Variants in MAF observed in about 807,000 individuals in gnomAD.
The protein encoded by MAF is transcription factor Maf.
In MAF, 10 loss-of-function variants were observed where a neutral mutation model predicts 22.0. The observed-to-expected ratio is 0.45, with a 90% CI of 0.28 to 0.77. MAF has a LOEUF of 0.77. MAF is among the 30% of genes least tolerant of loss of function. The pLI is 0.12. For missense variants in MAF, 544 were observed against 548.4 expected, an observed-to-expected ratio of 0.99 and a Z score of 0.08; for synonymous variants, 337 against 255.8, an observed-to-expected ratio of 1.32 and a Z score of -3.03.
At chr16:79,509,771 G>A in the MAF span, among the ~76,000 whole-genome samples, 3 of 152,186 alleles carry the variant, frequency 2.0e-5, no homozygotes, top group African/African-American at 7.2e-5. Context: ...TCACTCCACT[G>A]TTATCCACAA....
the MAF span, among the ~76,000 whole-genome samples, chr16:79,490,117 C>G: frequency 2.1e-3 from 319 of 152,260 alleles, 1 homozygote; most frequent in Middle Eastern, 3.4e-3. Flanking sequence ...TATTTCAAAT[C>G]AAAAGCAGAT....
chr16:79,228,088 A>G, the MAF span, among the ~76,000 whole-genome samples: 25 of 152,138 alleles, frequency 1.6e-4, no homozygotes, highest in East Asian at 4.8e-3. Context: ...GTTTTTGTAG[A>G]GATAAGGTCT....
chr16:79,475,362 A>ATGTGTGTGTG, the MAF span, among the ~76,000 whole-genome samples: 834 of 148,608 alleles, frequency 5.6e-3, 6 homozygotes, highest in South Asian at 0.038. Flanking sequence ...ATGTATATAT[A>ATGTGTGTGTG]TGTGTGTGTG....
chr16:79,399,279 T>C, the MAF span, among the ~76,000 whole-genome samples: 4 of 152,260 alleles, frequency 2.6e-5, no homozygotes, highest in African/African-American at 9.6e-5. Context: ...GGTGAAAAAA[T>C]TCTTTGTAAA....
chr16:79,471,764 A>G, the MAF span, among the ~76,000 whole-genome samples: 3 of 152,226 alleles, frequency 2.0e-5, no homozygotes, highest in Admixed American at 1.3e-4. Flanking sequence ...ACAGCTGATA[A>G]GTGGTCATGT....
the MAF span, among the ~76,000 whole-genome samples, chr16:79,396,174 C>T: frequency 6.6e-6 from 1 of 152,288 alleles, no homozygotes; most frequent in Admixed American, 6.5e-5. Flanking sequence ...GGACAGGCCT[C>T]CTCCTGAGAC....
At chr16:79,240,344 A>G in the MAF span, among the ~76,000 whole-genome samples, 7 of 151,298 alleles carry the variant, frequency 4.6e-5, no homozygotes, top group African/African-American at 1.7e-4. Context: ...GCCTGGTGAC[A>G]TTTTAACTAA....
At chr16:79,362,996 A>G in the MAF span, among the ~76,000 whole-genome samples, 1 of 152,186 alleles carries the variant, frequency 6.6e-6, no homozygotes, top group Non-Finnish European at 1.5e-5. Context: ...ATAAGGGACT[A>G]TATTTCAACT....
chr16:79,401,671 AGTG>A, the MAF span, among the ~76,000 whole-genome samples: 5 of 152,022 alleles, frequency 3.3e-5, no homozygotes, highest in Non-Finnish European at 7.4e-5. Context: ...AAATAATAAT[AGTG>A]ATAATAATAA....
At chr16:79,346,201 C>G in the MAF span, among the ~76,000 whole-genome samples, 2 of 147,194 alleles carry the variant, frequency 1.4e-5, no homozygotes, top group Non-Finnish European at 3.0e-5. Context: ...ACTACAGTCC[C>G]CGGTGTGTGA....
the MAF span, among the ~76,000 whole-genome samples, chr16:79,401,313 A>G: frequency 0.1 from 15,323 of 152,216 alleles, 933 homozygotes; most frequent in South Asian, 0.25. Context: ...CACTTACTGG[A>G]TACCAGACAC....
At chr16:79,407,670 T>C in the MAF span, among the ~76,000 whole-genome samples, 1 of 152,138 alleles carries the variant, frequency 6.6e-6, no homozygotes, top group Non-Finnish European at 1.5e-5. Context: ...CTCATTTTTT[T>C]CTTCATGTCA....
the MAF span, among the ~76,000 whole-genome samples, chr16:79,523,152 T>C: frequency 6.6e-6 from 1 of 152,232 alleles, no homozygotes; most frequent in African/African-American, 2.4e-5. Context: ...ATAGCAGATA[T>C]TGTTATGATA....
Position 79,594,204 on chromosome 16 carries a change from G to T in MAF, c.*256C>A. 1 of 462,100 alleles carries T rather than the reference G, an allele frequency of 2.2e-6. No homozygotes were observed. Among genetic ancestry groups the T allele is most frequent in the South Asian group, 2.7e-5 (1 of 36,598 alleles). 28.6% of individuals were successfully genotyped at this position (462,100 alleles called of 1,614,324 possible). A position where few individuals can be genotyped will look rare whatever the true frequency, so the allele number is the denominator to read the frequency against. On this transcript the variant is annotated 3_prime_UTR_variant, in exon 2 of 2. Transcript: ENST00000326043. Reference sequence around the variant, plus strand: ...TCAGTGAATTTTTAAAACTAGTATGGCAGGTTGAAAGCAATGCACCTGTTT... The same window carrying T: ...TCAGTGAATTTTTAAAACTAGTATGTCAGGTTGAAAGCAATGCACCTGTTT...
chr16:79,491,781 G>A, the MAF span, among the ~76,000 whole-genome samples: 1 of 152,138 alleles, frequency 6.6e-6, no homozygotes, highest in Non-Finnish European at 1.5e-5. Flanking sequence ...TGAGCCTTGG[G>A]ATAGCACTGG....
the MAF span, among the ~76,000 whole-genome samples, chr16:79,410,234 T>C: frequency 3.7e-4 from 57 of 152,372 alleles, no homozygotes; most frequent in African/African-American, 1.2e-3. Context: ...TAAATCTTTT[T>C]CCACCACATG....
chr16:79,432,209 G>A, the MAF span, among the ~76,000 whole-genome samples: 2 of 152,128 alleles, frequency 1.3e-5, no homozygotes, highest in Non-Finnish European at 1.5e-5. Flanking sequence ...TCCCCTGCTG[G>A]CACTCATTCT....
the MAF span, among the ~76,000 whole-genome samples, chr16:79,437,794 A>T: frequency 1.3e-5 from 2 of 152,200 alleles, 1 homozygote; most frequent in Non-Finnish European, 2.9e-5. Context: ...CAATCCTAGC[A>T]CTTCCTTTTC....
chr16:79,300,570 C>T, the MAF span, among the ~76,000 whole-genome samples: 1 of 151,868 alleles, frequency 6.6e-6, no homozygotes, highest in Non-Finnish European at 1.5e-5. Flanking sequence ...AACAAACAAA[C>T]AAACAAACAA....
Sources: gnomAD v4.1 joint callset for allele counts (sites outside exome capture counted in the v4.1 genomes callset) on GRCh38, gnomAD v4.1.1 for gene constraint, MANE v1.5 for transcripts, NCBI Gene and HGNC (gene_info 2026-07-23, HGNC 2026-07-21) for gene names.